Variants in KCTD16 observed in about 807,000 individuals in gnomAD.
The protein encoded by KCTD16 is BTB/POZ domain-containing protein KCTD16.
Under a neutral mutation model 33.2 loss-of-function variants are expected in KCTD16, and 13 were observed. The ratio of observed to expected loss-of-function variants is 0.39; its 90% CI spans 0.25 to 0.62. The LOEUF is 0.62. Ranked by LOEUF, KCTD16 falls within the 20% of genes least tolerant of loss-of-function variation. The pLI, the probability that KCTD16 is intolerant of heterozygous loss-of-function variation, is 0.50. For synonymous variants in KCTD16, 197 were observed against 195.3 expected (o/e 1.01, Z -0.07); for missense variants, 441 against 525.1 (o/e 0.84, Z 1.57).
chr5:144,311,061 C>T (rs1418076306), intron 3 of KCTD16, among the ~76,000 whole-genome samples: 1 of 152,156 alleles, frequency 6.6e-6, no homozygotes, highest in African/African-American at 2.4e-5. Flanking sequence ...CATGGTAATT[C>T]CATCTCCTTT....
At chr5:144,329,406 G>T (rs1376633803) in intron 3 of KCTD16, among the ~76,000 whole-genome samples, 2 of 152,114 alleles carry the variant, frequency 1.3e-5, no homozygotes, top group Non-Finnish European at 2.9e-5. Flanking sequence ...TCAGGTTAGT[G>T]TTAATGCAGA....
At chr5:144,417,656 A>C (rs1390242802) in intron 3 of KCTD16, among the ~76,000 whole-genome samples, 1 of 151,962 alleles carries the variant, frequency 6.6e-6, no homozygotes, top group Non-Finnish European at 1.5e-5. Context: ...TTTGCTTTTG[A>C]TGTCATATCC....
At chr5:144,300,863 A>G (rs1055615671) in intron 3 of KCTD16, among the ~76,000 whole-genome samples, 5 of 152,216 alleles carry the variant, frequency 3.3e-5, no homozygotes, top group African/African-American at 1.2e-4. Context: ...AGTAAGGACA[A>G]ACCATGCTCA....
At chr5:144,326,716 A>G (rs1432885968) in intron 3 of KCTD16, among the ~76,000 whole-genome samples, 1 of 150,718 alleles carries the variant, frequency 6.6e-6, no homozygotes, top group Admixed American at 6.6e-5. Context: ...AAAAGAGAAG[A>G]AAAAAAGAAA....
intron 3 of KCTD16, among the ~76,000 whole-genome samples, chr5:144,314,229 G>A (rs1168755611): frequency 1.3e-5 from 2 of 152,104 alleles, no homozygotes; most frequent in Admixed American, 1.3e-4. Flanking sequence ...AAAGTATTTG[G>A]GTGGTAATGG....
At chr5:144,319,511 T>C (rs1580869724) in intron 3 of KCTD16, among the ~76,000 whole-genome samples, 1 of 152,208 alleles carries the variant, frequency 6.6e-6, no homozygotes, top group South Asian at 2.1e-4. Flanking sequence ...CTGCCAATAT[T>C]TTACATTTGA....
At chr5:144,180,937 CTT>C (rs767804405) in intron 2 of KCTD16, among the ~76,000 whole-genome samples, 4 of 145,330 alleles carry the variant, frequency 2.8e-5, no homozygotes, top group East Asian at 2.0e-4. Context: ...TTTCTTTTTT[CTT>C]TTTTTTTTTT....
intron 3 of KCTD16, among the ~76,000 whole-genome samples, chr5:144,372,655 C>T (rs1222178504): frequency 6.6e-6 from 1 of 152,150 alleles, no homozygotes; most frequent in African/African-American, 2.4e-5. Context: ...ACTGACTGGA[C>T]AAGGTGGACA....
rs1233135749 is a variant in KCTD16, at chr5:144,299,114, A to G, written c.832+91568A>G. On this transcript the variant is annotated intron_variant, in intron 3 of 3. Transcript: ENST00000512467. The stretch of plus-strand genomic sequence containing the variant: ...TCACTATGTATATATATATATATAT[A>G]TATATATATATATATATATATATAT... Among the ~76,000 whole-genome samples the G allele has an allele frequency of 2.4e-3, 35 of 14,698 alleles. 6 individuals carry two copies. The highest frequency in any genetic ancestry group is 5.5e-3 in the African/African-American group (8 of 1,454). The allele number at this position is 14,698 out of a possible 152,430, so 9.6% of individuals were successfully genotyped here. A position where few individuals can be genotyped will look rare whatever the true frequency, so the allele number is the denominator to read the frequency against.
chr5:144,392,828 G>A (rs577780045), intron 3 of KCTD16, among the ~76,000 whole-genome samples: 4 of 152,106 alleles, frequency 2.6e-5, no homozygotes, highest in Non-Finnish European at 5.9e-5. Context: ...AAACACATGC[G>A]CACGTGAAGC....
chr5:144,248,540 CTT>C (rs1754611447), intron 3 of KCTD16, among the ~76,000 whole-genome samples: 1 of 152,220 alleles, frequency 6.6e-6, no homozygotes, highest in African/African-American at 2.4e-5. Context: ...TATTATCTGA[CTT>C]TCATTTTAAC....
intron 3 of KCTD16, among the ~76,000 whole-genome samples, chr5:144,265,017 T>C (rs1380063496): frequency 1.3e-5 from 2 of 152,198 alleles, no homozygotes; most frequent in East Asian, 1.9e-4. Context: ...GCCAGAGACA[T>C]ATACTTCCTA....
chr5:144,252,555 T>A (rs116975451), intron 3 of KCTD16, among the ~76,000 whole-genome samples: 1 of 152,186 alleles, frequency 6.6e-6, no homozygotes, highest in East Asian at 1.9e-4. Flanking sequence ...AGTGTTCACC[T>A]TTGAATAGTA....
At chr5:144,278,485 CTTTTTTTTTTTTT>C (rs1220359408) in intron 3 of KCTD16, among the ~76,000 whole-genome samples, 2 of 89,986 alleles carry the variant, frequency 2.2e-5, no homozygotes, top group Admixed American at 1.4e-4. Flanking sequence ...TGTTAGTCTT[CTTTTTTTTTTTTT>C]TTTTTTTTTT....
At chr5:144,328,197 C>T (rs1195143401) in intron 3 of KCTD16, among the ~76,000 whole-genome samples, 1 of 152,172 alleles carries the variant, frequency 6.6e-6, no homozygotes. Flanking sequence ...AAAAGTTCTG[C>T]TCATATTTTA....
intron 3 of KCTD16, among the ~76,000 whole-genome samples, chr5:144,341,423 C>G (rs545110834): frequency 6.6e-6 from 1 of 152,164 alleles, no homozygotes; most frequent in Non-Finnish European, 1.5e-5. Flanking sequence ...GTGTTCTCCT[C>G]ATGCCTGACC....
At position 144,339,818 on chromosome 5, in the gene KCTD16, C is replaced by T. The variant is rs193207595; in HGVS notation, c.832+132272C>T. 4.8e-4 allele frequency among the ~76,000 whole-genome samples: 73 copies of T among 152,178 alleles called. 1 individual carries two copies. Among genetic ancestry groups the T allele is most frequent in the East Asian group, 3.7e-3 (19 of 5,174 alleles). Reference sequence around the variant, plus strand: ...TAAGTGCTAGGGCTACAATAAAATACGCAGAAAGGCAAATACATTTAATTA... The same window carrying T: ...TAAGTGCTAGGGCTACAATAAAATATGCAGAAAGGCAAATACATTTAATTA... On this transcript the variant is annotated intron_variant, in intron 3 of 3. Coordinates refer to ENST00000512467, the MANE Select transcript of KCTD16 (RefSeq NM_020768.4).
At chr5:144,175,901 G>C (rs1752496595) in intron 2 of KCTD16, among the ~76,000 whole-genome samples, 1 of 152,086 alleles carries the variant, frequency 6.6e-6, no homozygotes, top group South Asian at 2.1e-4. Context: ...AAAGCTATAA[G>C]GATTAGGTTT....
chr5:144,179,410 C>T (rs977530902), intron 2 of KCTD16, among the ~76,000 whole-genome samples: 1 of 152,186 alleles, frequency 6.6e-6, no homozygotes, highest in Non-Finnish European at 1.5e-5. Context: ...CACCACAGGC[C>T]CTGCTTATTC....
Sources: allele counts gnomAD v4.1 joint callset (sites outside exome capture counted in the v4.1 genomes callset), GRCh38; gene constraint gnomAD v4.1.1; transcripts MANE v1.5; gene names NCBI Gene and HGNC (gene_info 2026-07-23, HGNC 2026-07-21).